The following CABIN1 variants were observed in gnomAD, a reference collection of about 807,000 sequenced individuals.
The protein encoded by CABIN1 is calcineurin binding protein 1, also known as calcineurin-binding protein cabin-1.
In CABIN1, 133 loss-of-function variants were observed where a neutral mutation model predicts 227.7. The ratio of observed to expected loss-of-function variants is 0.58; its 90% CI spans 0.51 to 0.67. The LOEUF (loss-of-function observed/expected upper bound fraction) is 0.67. CABIN1 is among the 30% of genes least tolerant of loss of function. CABIN1 has a pLI of 0.00. For missense variants in CABIN1, 2,408 were observed against 2,852.5 expected (o/e 0.84, Z 3.55); for synonymous variants, 1,086 against 1,155.1 (o/e 0.94, Z 1.21).
chr22:24,113,657 C>A lies in CABIN1; in HGVS notation c.4209C>A (p.Ser1403=). ...AGCCCACCAGCTTACTGGAAGGCTC[C>A]AGGAAATCCTACACAGAGAAGAGGC... ...FNEPTSLLEG[S]RKSYTEKRLP... is the part of the protein sequence containing the mutation. The change falls in exon 27 of 37, where the codon TCC becomes TCA. Residue 1403 remains serine, a synonymous_variant. Transcript: ENST00000263119. 6.2e-7 allele frequency: 1 copy of A among 1,614,102 alleles called. No homozygotes were observed.
At chr22:24,062,142 T>C (rs548829367) in intron 13 of CABIN1, 117 bp downstream of exon 13, 5 of 836,782 alleles carry the variant, frequency 6.0e-6, no homozygotes, top group Non-Finnish European at 9.9e-6. Context: ...AGTAGGCACA[T>C]TTTTTGGGTT....
At chr22:24,071,622 T>C (rs2040092320) in intron 17 of CABIN1, among the ~76,000 whole-genome samples, 1 of 152,198 alleles carries the variant, frequency 6.6e-6, no homozygotes, top group South Asian at 2.1e-4. Flanking sequence ...CTACTCTTGC[T>C]TGAGCTGTGG....
At chr22:24,156,403 G>T (rs954718045) in intron 29 of CABIN1, 18 of 268,734 alleles carry the variant, frequency 6.7e-5, no homozygotes, top group Non-Finnish European at 1.2e-4. Flanking sequence ...GCGCGCGGGG[G>T]CGGCAGGCGC....
At chr22:24,038,503 T>C (rs146482327) in intron 4 of CABIN1, 42 bp downstream of exon 4, 4 of 1,413,246 alleles carry the variant, frequency 2.8e-6, no homozygotes, top group East Asian at 4.6e-5. Context: ...TGGTGGTTAG[T>C]GCATGGGCTG....
chr22:24,165,718 C>T (rs1378233107), intron 31 of CABIN1, 92 bp downstream of exon 31: 5 of 1,021,518 alleles, frequency 4.9e-6, no homozygotes, highest in Non-Finnish European at 7.5e-6. Context: ...TATTTGCATA[C>T]CCTTAGGCAG....
intron 26 of CABIN1, among the ~76,000 whole-genome samples, chr22:24,098,961 TG>T (rs2042052331): frequency 6.6e-6 from 1 of 152,162 alleles, no homozygotes; most frequent in Non-Finnish European, 1.5e-5. Flanking sequence ...CATCTGGGCT[TG>T]GGGAAACAGG....
chr22:24,055,900 C>A (rs1020171983), intron 9 of CABIN1, among the ~76,000 whole-genome samples: 1 of 152,172 alleles, frequency 6.6e-6, no homozygotes, highest in Admixed American at 6.5e-5. Context: ...GAAGTTCAGC[C>A]GACCAGTGAG....
At chr22:24,050,716 A>G in intron 7 of CABIN1, 109 bp from the exon 8 acceptor site, 1 of 1,372,088 alleles carries the variant, frequency 7.3e-7, no homozygotes, top group South Asian at 1.2e-5. Context: ...TTATAGGAAG[A>G]AAAATACACA....
At position 24,172,015 on chromosome 22, in the gene CABIN1, A is replaced by G. The variant is rs771585671; in HGVS notation, c.6040+20A>G. The G allele has an allele frequency of 1.9e-6, 3 of 1,603,568 alleles. No individual in the cohort carries two copies. In the Admixed American group the frequency reaches 5.0e-5, roughly 27 times the overall value. On this transcript the variant is annotated intron_variant, in intron 34 of 36. Coordinates refer to ENST00000263119, the MANE Select transcript of CABIN1 (RefSeq NM_012295.4). Reference sequence around the variant, plus strand: ...GCCCAGGTGAGTCCCATCCCAGTCCAGAGCTGGGCCCAGGCCCCTGCCACC... The same window carrying G: ...GCCCAGGTGAGTCCCATCCCAGTCCGGAGCTGGGCCCAGGCCCCTGCCACC...
intron 6 of CABIN1, among the ~76,000 whole-genome samples, chr22:24,044,638 C>T (rs1209101118): frequency 6.6e-6 from 1 of 152,190 alleles, no homozygotes; most frequent in African/African-American, 2.4e-5. Context: ...TAATACTTTG[C>T]TTAGAAGTCT....
chr22:24,085,610 G>A (rs1329361858), intron 22 of CABIN1, among the ~76,000 whole-genome samples: 1 of 152,198 alleles, frequency 6.6e-6, no homozygotes, highest in Non-Finnish European at 1.5e-5. Context: ...CTCTGATGCA[G>A]TGCACTGTTA....
In CABIN1 at chr22:24,166,961, C is replaced by T. The variant is rs1447792941; in HGVS notation, c.5330C>T (p.Pro1777Leu). ...TGCCACTCAGACTTGGAGCGGACAC[C>T]ACCCCTGCTGCCAGGTCGCCCCGCA... ...TVCHSDLERT[P>L]PLLPGRPARD... Residue 1777 changes from proline to leucine, a missense_variant, in exon 32 of 37, where the codon CCA (proline) becomes CTA (leucine). Pro to Leu is a moderately conservative substitution (Grantham distance 98, BLOSUM62 -3). Coordinates refer to ENST00000263119, the MANE Select transcript of CABIN1 (RefSeq NM_012295.4). The T allele has an allele frequency of 2.5e-6, 4 of 1,591,796 alleles. No individual in the cohort carries two copies. The highest frequency in any genetic ancestry group is 2.3e-5 in the South Asian group (2 of 88,442).
At chr22:24,011,950 T>C (rs977242365) in intron 1 of CABIN1, among the ~76,000 whole-genome samples, 3 of 152,216 alleles carry the variant, frequency 2.0e-5, no homozygotes, top group Admixed American at 2.0e-4. Context: ...CACTTAACTC[T>C]TCAGGACCTG....
chr22:24,169,875 A>G (rs1158570253), intron 33 of CABIN1, among the ~76,000 whole-genome samples: 1 of 152,200 alleles, frequency 6.6e-6, no homozygotes, highest in Non-Finnish European at 1.5e-5. Context: ...GCTGGGCCAG[A>G]CCCCATTTTG....
intron 26 of CABIN1, among the ~76,000 whole-genome samples, chr22:24,100,349 A>C (rs2042131602): frequency 6.6e-6 from 1 of 152,196 alleles, no homozygotes; most frequent in Non-Finnish European, 1.5e-5. Context: ...GTCCTAAAAT[A>C]GCTGTGATCT....
At chr22:24,043,228 T>G in intron 6 of CABIN1, 144 bp downstream of exon 6, 1 of 634,524 alleles carries the variant, frequency 1.6e-6, no homozygotes, top group South Asian at 1.9e-5. Context: ...TTCTTAGATT[T>G]CTGCTTTATT....
rs1166959974 is a variant in CABIN1, at chr22:24,134,235, C to CT, written c.4633-66dup. The CT allele has an allele frequency of 3.4e-6, 4 of 1,192,342 alleles. No individual in the cohort carries two copies. The African/African-American group carries it at 6.0e-5, about 18-fold the overall frequency. 73.9% of individuals were successfully genotyped at this position (1,192,342 alleles called of 1,614,324 possible). On this transcript the variant is annotated intron_variant, in intron 28 of 36. Transcript: ENST00000263119. ...ATGCAGCCAGGAAGGAGGGGACCGC[C>CT]TGCCTTCCCTGTGGGCGCCCTGAGC...
chr22:24,110,617 G>A (rs1444618963), intron 26 of CABIN1, among the ~76,000 whole-genome samples: 1 of 132,220 alleles, frequency 7.6e-6, no homozygotes, highest in African/African-American at 2.9e-5. Context: ...CTCAGTTTTT[G>A]TTTGCCTGGA....
chr22:24,108,329 G>A (rs1207340253), intron 26 of CABIN1, among the ~76,000 whole-genome samples: 1 of 152,184 alleles, frequency 6.6e-6, no homozygotes, highest in Non-Finnish European at 1.5e-5. Flanking sequence ...TTTACACACA[G>A]CCAGCAAATG....
Sources: gnomAD v4.1 joint callset for allele counts (sites outside exome capture counted in the v4.1 genomes callset) on GRCh38, gnomAD v4.1.1 for gene constraint, MANE v1.5 for transcripts, NCBI Gene and HGNC (gene_info 2026-07-23, HGNC 2026-07-21) for gene names.